The following ZNF184 variants were observed in gnomAD, a reference collection of about 807,000 sequenced individuals.
The protein encoded by ZNF184 is zinc finger protein 184 (Kruppel-like).
In ZNF184, 16 loss-of-function variants were observed where a neutral mutation model predicts 54.4. That is an observed-to-expected ratio of 0.29 (90% CI 0.20 to 0.45). ZNF184 has a LOEUF of 0.45. ZNF184 is among the 20% of genes least tolerant of loss of function. The pLI, the probability that ZNF184 is intolerant of heterozygous loss-of-function variation, is 1.00. For missense variants in ZNF184, 681 were observed against 888.2 expected (o/e 0.77, Z 2.97); for synonymous variants, 254 against 295.3 (o/e 0.86, Z 1.43).
chr6:27,460,980 C>G (rs573271290), intron 3 of ZNF184, among the ~76,000 whole-genome samples: 1 of 152,296 alleles, frequency 6.6e-6, no homozygotes, highest in Non-Finnish European at 1.5e-5. Flanking sequence ...CGACATAATT[C>G]TGTGTGCCTA....
At chr6:27,422,551 T>C in the ZNF184 span, among the ~76,000 whole-genome samples, 1 of 152,182 alleles carries the variant, frequency 6.6e-6, no homozygotes, top group Non-Finnish European at 1.5e-5. Context: ...TTTGCCGTTT[T>C]ACCTTAATCC....
the ZNF184 span, among the ~76,000 whole-genome samples, chr6:27,424,055 A>C: frequency 2.0e-5 from 3 of 152,178 alleles, no homozygotes; most frequent in Admixed American, 6.5e-5. Flanking sequence ...TACAACTCCT[A>C]AAGTGGCACG....
Position 27,472,423 on chromosome 6 carries a change from G to A in ZNF184, c.-129C>T, listed in dbSNP as rs1247234438. On this transcript the variant is annotated 5_prime_UTR_variant, in exon 2 of 6. Transcript: ENST00000683788. The surrounding 1 kb of genome is among the most constrained non-coding windows in gnomAD (Gnocchi z 4.8). ...TTGCAGGGAATCTGCAACACGCTGA[G>A]GTTGTCTACCCTAAAAGACACAGGA... is the stretch of plus-strand genomic sequence containing the variant. 2 of 1,191,940 alleles carry A rather than the reference G, an allele frequency of 1.7e-6. No individual in the cohort carries two copies. Among genetic ancestry groups the A allele is most frequent in the East Asian group, 5.0e-5 (2 of 39,932 alleles). 73.8% of individuals were successfully genotyped at this position (1,191,940 alleles called of 1,614,324 possible).
chr6:27,427,271 G>A, the ZNF184 span, among the ~76,000 whole-genome samples: 1,825 of 152,072 alleles, frequency 0.012, 32 homozygotes, highest in African/African-American at 0.038. Context: ...CAAATTTTTC[G>A]TTTTTGTACT....
the ZNF184 span, among the ~76,000 whole-genome samples, chr6:27,433,976 T>TCCTTCCTTCCTTCCTCTCCCTCCCTC: frequency 1.5e-5 from 2 of 136,146 alleles, no homozygotes; most frequent in African/African-American, 2.8e-5. Flanking sequence ...CTCCCTCCCT[T>TCCTTCCTTCCTTCCTCTCCCTCCCTC]CCTTCCTTCC....
At chr6:27,409,287 G>C in the ZNF184 span, among the ~76,000 whole-genome samples, 18 of 151,960 alleles carry the variant, frequency 1.2e-4, 1 homozygote, top group Non-Finnish European at 1.0e-4. Context: ...ATCACAAGGT[G>C]AGGAGATCGA....
chr6:27,470,264 G>A lies in ZNF184; in HGVS notation c.7+2024C>T, dbSNP rs536061121. On this transcript the variant is annotated intron_variant, in intron 2 of 5. Coordinates refer to ENST00000683788, the MANE Select transcript of ZNF184 (RefSeq NM_001318891.2). ...ACCTGATAGAAATTGTAGATAAATC[G>A]AAAGAAAGAAAGAAAAAAAAAAACA... is the stretch of plus-strand genomic sequence containing the variant. Among the ~76,000 whole-genome samples, 12 of 150,334 alleles carry A rather than the reference G, an allele frequency of 8.0e-5. No homozygotes were observed. In the East Asian group the frequency reaches 1.2e-3, roughly 15 times the overall value.
chr6:27,462,120 G>A (rs1346786057), intron 3 of ZNF184, among the ~76,000 whole-genome samples: 1 of 152,092 alleles, frequency 6.6e-6, no homozygotes, highest in East Asian at 1.9e-4. Flanking sequence ...TGCTGTTCTG[G>A]GCCCACTTAA....
At chr6:27,443,451 A>T in the ZNF184 span, among the ~76,000 whole-genome samples, 1 of 152,178 alleles carries the variant, frequency 6.6e-6, no homozygotes, top group East Asian at 1.9e-4. Context: ...GACTGCTCAG[A>T]CCATTATACT....
the ZNF184 span, among the ~76,000 whole-genome samples, chr6:27,425,087 G>C: frequency 6.6e-6 from 1 of 152,202 alleles, no homozygotes; most frequent in Admixed American, 6.5e-5. Flanking sequence ...GCCCCTCATT[G>C]CCCGGGGCCG....
the ZNF184 span, among the ~76,000 whole-genome samples, chr6:27,444,848 C>T: frequency 5.3e-5 from 8 of 152,114 alleles, no homozygotes; most frequent in African/African-American, 9.7e-5. Context: ...TTTTTTAAGA[C>T]CTCTTCCTCA....
chr6:27,470,751 A>T (rs956445590), intron 2 of ZNF184, among the ~76,000 whole-genome samples: 1 of 152,202 alleles, frequency 6.6e-6, no homozygotes, highest in Non-Finnish European at 1.5e-5. Flanking sequence ...CACATAGTAA[A>T]TGCTCAGTAT....
the ZNF184 span, among the ~76,000 whole-genome samples, chr6:27,443,607 A>G: frequency 6.6e-6 from 1 of 152,104 alleles, no homozygotes. Flanking sequence ...TGGCATTACC[A>G]ATAAGCACAC....
chr6:27,425,053 C>T, the ZNF184 span, among the ~76,000 whole-genome samples: 119 of 152,354 alleles, frequency 7.8e-4, 2 homozygotes, highest in South Asian at 0.019. Context: ...GTACACCCTC[C>T]GCAGCCGCTG....
the ZNF184 span, among the ~76,000 whole-genome samples, chr6:27,430,352 C>T: frequency 0.038 from 5,739 of 149,742 alleles, 142 homozygotes; most frequent in Middle Eastern, 0.09. Flanking sequence ...CCACCCACCC[C>T]CGGGTCTGCT....
At chr6:27,423,610 C>T in the ZNF184 span, among the ~76,000 whole-genome samples, 2 of 148,062 alleles carry the variant, frequency 1.4e-5, no homozygotes, top group Non-Finnish European at 3.0e-5. Context: ...AATACACACC[C>T]TGAAAAGCAT....
the ZNF184 span, among the ~76,000 whole-genome samples, chr6:27,431,382 A>G: frequency 6.6e-6 from 1 of 152,180 alleles, no homozygotes; most frequent in East Asian, 1.9e-4. Context: ...TCACCACATT[A>G]TCTTCACAGC....
At chr6:27,456,513 C>A (rs545628638) in intron 5 of ZNF184, among the ~76,000 whole-genome samples, 1 of 151,904 alleles carries the variant, frequency 6.6e-6, no homozygotes, top group African/African-American at 2.4e-5. Context: ...CTGAAAAGTA[C>A]GGTGATAATT....
intron 2 of ZNF184, among the ~76,000 whole-genome samples, chr6:27,470,888 A>C (rs1178599291): frequency 6.6e-6 from 1 of 152,176 alleles, no homozygotes; most frequent in Non-Finnish European, 1.5e-5. Context: ...TGGCTGATTT[A>C]ATTCTGAGAA....
Sources: gnomAD v4.1 joint callset for allele counts (sites outside exome capture counted in the v4.1 genomes callset) on GRCh38, gnomAD v4.1.1 for gene constraint, Gnocchi (gnomAD v3.1) non-coding constraint, MANE v1.5 for transcripts, NCBI Gene and HGNC (gene_info 2026-07-23, HGNC 2026-07-21) for gene names.